MEOX2: variants seen among roughly 807,000 people sequenced by gnomAD.
MEOX2 encodes the protein mesenchyme homeobox 2.
A neutral mutation model predicts 27.0 loss-of-function variants in MEOX2; 11 were observed. The ratio of observed to expected loss-of-function variants is 0.41; its 90% confidence interval spans 0.26 to 0.68. MEOX2 has a LOEUF of 0.68. Ranked by LOEUF, MEOX2 falls within the 30% of genes least tolerant of loss-of-function variation. The pLI, the probability that MEOX2 is intolerant of heterozygous loss-of-function variation, is 0.33. For synonymous variants in MEOX2, 189 were observed against 155.4 expected (o/e 1.22, Z -1.61); for missense variants, 436 against 385.4 (o/e 1.13, Z -1.10).
At chr7:15,681,861 C>A (rs866023870) in intron 1 of MEOX2, 14 of 151,714 alleles carry the variant, frequency 9.2e-5, no homozygotes, top group African/African-American at 3.4e-4. Flanking sequence ...TATGATTTTT[C>A]TTTTAAAATG....
At chr7:15,635,775 A>G (rs1781470889) in intron 1 of MEOX2, among the ~76,000 whole-genome samples, 1 of 152,034 alleles carries the variant, frequency 6.6e-6, no homozygotes, top group South Asian at 2.1e-4. Flanking sequence ...ACATTGAAAA[A>G]TGGTTGGGCC....
At chr7:15,676,900 A>T (rs367655193) in intron 1 of MEOX2, among the ~76,000 whole-genome samples, 7 of 152,094 alleles carry the variant, frequency 4.6e-5, no homozygotes, top group African/African-American at 1.7e-4. Context: ...TATTTTGCTC[A>T]ATATGCACTC....
chr7:15,666,554 C>A (rs1015406849), intron 1 of MEOX2, among the ~76,000 whole-genome samples: 2 of 151,398 alleles, frequency 1.3e-5, no homozygotes, highest in Admixed American at 6.6e-5. Context: ...GAGTTCATGA[C>A]CAGCCTGGGC....
At chr7:15,632,061 A>G (rs1401952728) in intron 1 of MEOX2, among the ~76,000 whole-genome samples, 1 of 151,890 alleles carries the variant, frequency 6.6e-6, no homozygotes, top group East Asian at 1.9e-4. Flanking sequence ...ATACAAAAAT[A>G]AAATACTTAG....
chr7:15,620,567 C>T (rs1215646885), intron 2 of MEOX2, among the ~76,000 whole-genome samples: 1 of 151,826 alleles, frequency 6.6e-6, no homozygotes, highest in African/African-American at 2.4e-5. Flanking sequence ...ACAACAACAA[C>T]AACAACAAAA....
At chr7:15,632,453 G>A (rs1045886418) in intron 1 of MEOX2, among the ~76,000 whole-genome samples, 4 of 151,678 alleles carry the variant, frequency 2.6e-5, no homozygotes, top group Non-Finnish European at 5.9e-5. Context: ...CTCATAGTAA[G>A]AATATGCCAA....
intron 1 of MEOX2, among the ~76,000 whole-genome samples, chr7:15,630,841 C>A (rs980795382): frequency 1.3e-5 from 2 of 151,918 alleles, no homozygotes; most frequent in African/African-American, 2.4e-5. Context: ...TCTTTATGGG[C>A]ACTTATCCAA....
intron 2 of MEOX2, among the ~76,000 whole-genome samples, chr7:15,616,754 C>T (rs917470683): frequency 1.2e-4 from 18 of 151,898 alleles, no homozygotes; most frequent in African/African-American, 4.3e-4. Context: ...AGAATTCTCA[C>T]ATTTCCTTGG....
At chr7:15,663,646 T>C (rs540464874) in intron 1 of MEOX2, among the ~76,000 whole-genome samples, 1 of 152,264 alleles carries the variant, frequency 6.6e-6, no homozygotes, top group African/African-American at 2.4e-5. Flanking sequence ...GCCAATAATC[T>C]TTAATATATA....
At position 15,612,347 on chromosome 7, in the gene MEOX2, A is replaced by G; in HGVS notation, c.*40T>C. 2 of 1,532,962 alleles carry G rather than the reference A, an allele frequency of 1.3e-6. No individual in the cohort carries two copies. The highest frequency in any genetic ancestry group is 9.0e-7 in the Non-Finnish European group (1 of 1,107,448). The allele number at this position is 1,532,962 out of a possible 1,614,324, so 95.0% of individuals were successfully genotyped here. On this transcript the variant is annotated 3_prime_UTR_variant, in exon 3 of 3. Coordinates refer to ENST00000262041, the MANE Select transcript of MEOX2 (RefSeq NM_005924.5). ...TATTTGGGTAAGGCTTGCCATCACA[A>G]CATTTCTTTCCTGAGAATGGAGCTG...
intron 1 of MEOX2, among the ~76,000 whole-genome samples, chr7:15,661,785 T>C (rs1583778174): frequency 6.6e-6 from 1 of 152,174 alleles, no homozygotes; most frequent in South Asian, 2.1e-4. Flanking sequence ...CCTAAGCCTG[T>C]GGTTTTGACA....
At chr7:15,650,202 T>C (rs1781713923) in intron 1 of MEOX2, among the ~76,000 whole-genome samples, 1 of 151,996 alleles carries the variant, frequency 6.6e-6, no homozygotes, top group Admixed American at 6.6e-5. Flanking sequence ...TGCTTCCTTT[T>C]CCAACCTCTC....
intron 1 of MEOX2, among the ~76,000 whole-genome samples, chr7:15,657,230 T>C (rs1781836747): frequency 6.6e-6 from 1 of 152,122 alleles, no homozygotes; most frequent in Non-Finnish European, 1.5e-5. Flanking sequence ...GGTTTATGTC[T>C]TTTGCTAAAT....
intron 2 of MEOX2, among the ~76,000 whole-genome samples, chr7:15,620,165 G>T (rs1436668484): frequency 6.6e-6 from 1 of 151,978 alleles, no homozygotes; most frequent in African/African-American, 2.4e-5. Flanking sequence ...TTTACCAGTT[G>T]TAGTCAAATT....
At chr7:15,684,051 G>T (rs1030109141) in intron 1 of MEOX2, among the ~76,000 whole-genome samples, 6 of 152,122 alleles carry the variant, frequency 3.9e-5, no homozygotes, top group African/African-American at 1.4e-4. Context: ...AAGGGAATCA[G>T]TTATTGAATT....
chr7:15,677,748 A>G (rs1034993468), intron 1 of MEOX2: 1 of 152,190 alleles, frequency 6.6e-6, no homozygotes, highest in Non-Finnish European at 1.5e-5. Context: ...GTTTCCCTAC[A>G]TTCTACTCAC....
intron 1 of MEOX2, among the ~76,000 whole-genome samples, chr7:15,661,586 A>G (rs1436734546): frequency 6.6e-6 from 1 of 152,206 alleles, no homozygotes; most frequent in African/African-American, 2.4e-5. Context: ...AGATGAATCA[A>G]TCATCCTAAA....
intron 1 of MEOX2, among the ~76,000 whole-genome samples, chr7:15,641,140 T>G (rs1167048253): frequency 6.6e-6 from 1 of 152,158 alleles, no homozygotes; most frequent in Non-Finnish European, 1.5e-5. Context: ...TATGAATCCA[T>G]TTGGCCCTGG....
intron 1 of MEOX2, among the ~76,000 whole-genome samples, chr7:15,633,902 G>C (rs1422056786): frequency 6.6e-6 from 1 of 151,780 alleles, no homozygotes; most frequent in Non-Finnish European, 1.5e-5. Flanking sequence ...TAATTACAAA[G>C]ATAACCCTAA....
Sources: allele counts gnomAD v4.1 joint callset (sites outside exome capture counted in the v4.1 genomes callset), GRCh38; gene constraint gnomAD v4.1.1; transcripts MANE v1.5; gene names NCBI Gene and HGNC (gene_info 2026-07-23, HGNC 2026-07-21).